PER3: variants seen among roughly 807,000 people sequenced by gnomAD.
The protein encoded by PER3 is period circadian regulator 3.
Under a neutral mutation model 127.2 loss-of-function variants are expected in PER3, and 107 were observed. The ratio of observed to expected loss-of-function variants is 0.84; its 90% CI spans 0.72 to 0.99. PER3 has a LOEUF of 0.99. Ranked by LOEUF, PER3 falls within the 50% of genes least tolerant of loss-of-function variation. PER3 has a pLI of 0.00. For synonymous variants in PER3, 618 were observed against 585.8 expected (o/e 1.05, Z -0.79); for missense variants, 1,560 against 1,525.8 (o/e 1.02, Z -0.37).
chr1:7,788,723 G>GT (rs1404855866), intron 5 of PER3, among the ~76,000 whole-genome samples: 2 of 151,964 alleles, frequency 1.3e-5, no homozygotes, highest in South Asian at 4.1e-4. Flanking sequence ...GGCCAACATG[G>GT]TAAAACCCCA....
rs1357018639 is a variant in PER3 at position 7,798,645 on chromosome 1, G to A, written c.765G>A (p.Val255=). The A allele has an allele frequency of 7.4e-6, 12 of 1,613,728 alleles. No individual in the cohort carries two copies. The highest frequency in any genetic ancestry group is 2.2e-5 in the South Asian group (2 of 91,062). The change falls in exon 7 of 22, where the codon GTG becomes GTA. Residue 255 remains valine (V), a synonymous_variant. Coordinates refer to ENST00000377532, the MANE Select transcript of PER3 (RefSeq NM_001377275.1). ...ELESEPCCLT[V]VEKIHSGYEA... ...AATCGGAACCTTGCTGTCTCACTGT[G>A]GTTGAAAAGATTCACTCTGGTTATG...
At chr1:7,838,974 C>A (rs1010638519) in intron 21 of PER3, among the ~76,000 whole-genome samples, 1 of 151,932 alleles carries the variant, frequency 6.6e-6, no homozygotes, top group African/African-American at 2.4e-5. Flanking sequence ...TTACTTGTGG[C>A]ATTTTGCTAT....
Position 7,784,916 on chromosome 1 carries a change from G to A in PER3, c.39G>A (p.Gly13=). Residue 13 remains glycine, a synonymous_variant, in exon 2 of 22, where the codon GGG becomes GGA. Coordinates refer to ENST00000377532, the MANE Select transcript of PER3 (RefSeq NM_001377275.1). Reference sequence around the variant, plus strand: ...AAGCTCCTGGCCCCGGGAGACGGGGGGCTAAGGACGAGGCCCTGGGCGAAG... The same window carrying A: ...AAGCTCCTGGCCCCGGGAGACGGGGAGCTAAGGACGAGGCCCTGGGCGAAG... ...RGEAPGPGRR[G]AKDEALGEES... is the part of the protein sequence containing the mutation. 1.3e-6 allele frequency: 2 copies of A among 1,529,188 alleles called. No individual in the cohort carries two copies. Among genetic ancestry groups the A allele is most frequent in the Non-Finnish European group, 1.7e-6 (2 of 1,151,076 alleles). The allele number at this position is 1,529,188 out of a possible 1,614,324, so 94.7% of individuals were successfully genotyped here.
At position 7,842,737 on chromosome 1, in the gene PER3, G is replaced by A. The variant is rs758200152; in HGVS notation, c.3615G>A (p.Leu1205=). ...CGGCCACATCCTGTGGTCAGGTTCTGGTAGAAGACAGCTGTTGAGTGACTG... is the reference window on the plus strand; with the variant it reads ...CGGCCACATCCTGTGGTCAGGTTCTAGTAGAAGACAGCTGTTGAGTGACTG... The part of the protein sequence containing the change: ...DGAATSCGQV[L]VEDSC The change falls in exon 22 of 22, where the codon CTG becomes CTA. Residue 1205 remains leucine (L), a synonymous_variant. Transcript: ENST00000377532. 4 of 1,613,240 alleles carry A rather than the reference G, an allele frequency of 2.5e-6. No individual in the cohort carries two copies. In the East Asian group the frequency reaches 6.7e-5, roughly 27 times the overall value.
intron 20 of PER3, among the ~76,000 whole-genome samples, chr1:7,836,643 A>C (rs2097359871): frequency 6.6e-6 from 1 of 152,216 alleles, no homozygotes; most frequent in African/African-American, 2.4e-5. Context: ...ATCCAGACTA[A>C]ACAGATCTTA....
At chr1:7,837,787 A>G (rs753392059) in intron 21 of PER3, among the ~76,000 whole-genome samples, 1 of 152,200 alleles carries the variant, frequency 6.6e-6, no homozygotes, top group Non-Finnish European at 1.5e-5. Flanking sequence ...AGTTAATAAC[A>G]AGTAGGCCTA....
chr1:7,844,014 A>C lies in PER3; in HGVS notation c.*1259A>C, dbSNP rs1419141367. 1.8e-6 allele frequency: 2 copies of C among 1,121,740 alleles called. No individual in the cohort carries two copies. Among genetic ancestry groups the C allele is most frequent in the African/African-American group, 3.4e-5 (2 of 59,028 alleles). 69.5% of individuals were successfully genotyped at this position (1,121,740 alleles called of 1,614,324 possible). A position where few individuals can be genotyped will look rare whatever the true frequency, so the allele number is the denominator to read the frequency against. ...TACAGTAACCTGTTGTCTTTATATAACTTGCAACAAACTAATTTATTTTTT... is the reference window on the plus strand; with the variant it reads ...TACAGTAACCTGTTGTCTTTATATACCTTGCAACAAACTAATTTATTTTTT... On this transcript the variant is annotated 3_prime_UTR_variant, in exon 22 of 22. Transcript: ENST00000377532.
chr1:7,790,618 C>A (rs1409544236), intron 5 of PER3, among the ~76,000 whole-genome samples: 1 of 152,162 alleles, frequency 6.6e-6, no homozygotes, highest in Non-Finnish European at 1.5e-5. Context: ...CAACAGTCCC[C>A]CAAAGTCTTA....
chr1:7,785,954 A>G (rs918604403), intron 3 of PER3, among the ~76,000 whole-genome samples: 6 of 152,224 alleles, frequency 3.9e-5, no homozygotes, highest in African/African-American at 1.4e-4. Context: ...CCGTACACAT[A>G]CTTTCAAAAT....
intron 16 of PER3, among the ~76,000 whole-genome samples, chr1:7,822,498 C>T (rs1253185290): frequency 6.6e-6 from 1 of 152,112 alleles, no homozygotes; most frequent in Non-Finnish European, 1.5e-5. Flanking sequence ...GGTGATCCGC[C>T]CACCTTGGCC....
chr1:7,813,027 T>A (rs2097227814), intron 13 of PER3, among the ~76,000 whole-genome samples: 1 of 152,216 alleles, frequency 6.6e-6, no homozygotes, highest in Admixed American at 6.5e-5. Flanking sequence ...GGAACTTAAG[T>A]TTAAAATTTA....
In PER3 at chr1:7,843,503, T is replaced by C. The variant is rs1355992834; in HGVS notation, c.*748T>C. The C allele has an allele frequency of 2.0e-5, 3 of 152,430 alleles. No individual in the cohort carries two copies. Among genetic ancestry groups the C allele is most frequent in the Admixed American group, 6.5e-5 (1 of 15,294 alleles). The allele number at this position is 152,430 out of a possible 1,614,324, so 9.4% of individuals were successfully genotyped here. On this transcript the variant is annotated 3_prime_UTR_variant, in exon 22 of 22. Transcript: ENST00000377532. Reference sequence around the variant, plus strand: ...TAAAATGAAAGAGCTTCTTACCCAGTGCTGTTGCCCTTTTGAGTATTTTTG... The same window carrying C: ...TAAAATGAAAGAGCTTCTTACCCAGCGCTGTTGCCCTTTTGAGTATTTTTG...
chr1:7,829,622 A>AAGACGGTT (rs1490790799), intron 18 of PER3, among the ~76,000 whole-genome samples: 3 of 152,350 alleles, frequency 2.0e-5, no homozygotes, highest in Admixed American at 2.0e-4. Context: ...TGGAAGCAAT[A>AAGACGGTT]AGACAGCTCA....
Position 7,841,312 on chromosome 1 carries a change from C to T in PER3, c.3550-1360C>T, listed in dbSNP as rs560086160. Reference sequence around the variant, plus strand: ...GATTTTTTTTTTTTTTGGTTGAAAACTAGACATTTGAATCTAATAACATAG... The same window carrying T: ...GATTTTTTTTTTTTTTGGTTGAAAATTAGACATTTGAATCTAATAACATAG... On this transcript the variant is annotated intron_variant, in intron 21 of 21. Transcript: ENST00000377532. Among the ~76,000 whole-genome samples, 8 of 147,950 alleles carry T rather than the reference C, an allele frequency of 5.4e-5. No individual in the cohort carries two copies. The South Asian group carries it at 1.7e-3, about 32-fold the overall frequency.
At chr1:7,838,677 G>A (rs772566838) in intron 21 of PER3, among the ~76,000 whole-genome samples, 48 of 152,320 alleles carry the variant, frequency 3.2e-4, no homozygotes, top group Non-Finnish European at 5.9e-4. Context: ...TGGGATTACA[G>A]GCAAGAGCCA....
At position 7,784,781 on chromosome 1, in the gene PER3, G is replaced by C; in HGVS notation, c.-97G>C. On this transcript the variant is annotated 5_prime_UTR_variant, in exon 2 of 22. Coordinates refer to ENST00000377532, the MANE Select transcript of PER3 (RefSeq NM_001377275.1). ...TCTCACTAACGCCATGGCGGGGACC[G>C]GAGTGAGAAACCGGTGTCTGTCACT... The C allele has an allele frequency of 7.9e-7, 1 of 1,268,532 alleles. No homozygotes were observed. The highest frequency in any genetic ancestry group is 1.0e-6 in the Non-Finnish European group (1 of 980,506). The allele number at this position is 1,268,532 out of a possible 1,614,324, so 78.6% of individuals were successfully genotyped here. A position where few individuals can be genotyped will look rare whatever the true frequency, so the allele number is the denominator to read the frequency against.
chr1:7,840,016 G>A lies in PER3; in HGVS notation c.3550-2656G>A, dbSNP rs533386918. Among the ~76,000 whole-genome samples the A allele has an allele frequency of 2.6e-5, 4 of 152,034 alleles. No individual in the cohort carries two copies. The South Asian group carries it at 8.3e-4, about 32-fold the overall frequency. On this transcript the variant is annotated intron_variant, in intron 21 of 21. Transcript: ENST00000377532. ...TGGGGCCCCTGTAGTGCTTATGTTG[G>A]TCCACTCGATGGTTTCCCACATGTC...
intron 16 of PER3, among the ~76,000 whole-genome samples, chr1:7,821,496 C>T (rs994848665): frequency 6.6e-6 from 1 of 152,210 alleles, no homozygotes; most frequent in Non-Finnish European, 1.5e-5. Flanking sequence ...GCTAGCCCCT[C>T]CACAGAGGAG....
chr1:7,786,331 C>G (rs1399179356), intron 3 of PER3, among the ~76,000 whole-genome samples: 2 of 152,170 alleles, frequency 1.3e-5, no homozygotes, highest in Non-Finnish European at 2.9e-5. Context: ...ATTGTAAACA[C>G]TTTTTCTCTC....
Sources: allele counts gnomAD v4.1 joint callset (sites outside exome capture counted in the v4.1 genomes callset), GRCh38; gene constraint gnomAD v4.1.1; transcripts MANE v1.5; gene names NCBI Gene and HGNC (gene_info 2026-07-23, HGNC 2026-07-21).